Variants in TENM2 observed in about 807,000 individuals in gnomAD.
TENM2 encodes teneurin-2.
A neutral mutation model predicts 245.2 loss-of-function variants in TENM2; 52 were observed. The observed-to-expected ratio is 0.21, with a 90% CI of 0.17 to 0.27. TENM2 has a LOEUF of 0.27. Among genes scored for constraint, TENM2 ranks in the 10% least tolerant of loss-of-function variants. TENM2 has a pLI of 1.00. For missense variants in TENM2, 3,046 were observed against 3,666.8 expected, an observed-to-expected ratio of 0.83 and a Z score of 4.37; for synonymous variants, 1,363 against 1,438.9, an observed-to-expected ratio of 0.95 and a Z score of 1.19.
At chr5:166,985,900 T>C in the TENM2 span, among the ~76,000 whole-genome samples, 2 of 152,200 alleles carry the variant, frequency 1.3e-5, no homozygotes, top group African/African-American at 4.8e-5. Flanking sequence ...GATTGAGAGT[T>C]ACCAAAGTTT....
At chr5:167,943,108 C>T (rs914155856) in intron 3 of TENM2, among the ~76,000 whole-genome samples, 4 of 152,204 alleles carry the variant, frequency 2.6e-5, no homozygotes, top group Admixed American at 1.3e-4. Flanking sequence ...TATGGAGAAA[C>T]TTTTGTTCCC....
At chr5:167,742,981 AACAAC>A (rs1761294438) in intron 2 of TENM2, among the ~76,000 whole-genome samples, 1,102 of 4,596 alleles carry the variant, frequency 0.24, 14 homozygotes, top group African/African-American at 0.47. Flanking sequence ...TCTTAAAAAC[AACAAC>A]AACAACAACA....
chr5:167,655,464 C>G (rs1342308911), intron 2 of TENM2, among the ~76,000 whole-genome samples: 1 of 152,184 alleles, frequency 6.6e-6, no homozygotes, highest in East Asian at 1.9e-4. Flanking sequence ...ACACTGTATA[C>G]AAACAACAGA....
At chr5:167,565,580 T>C (rs1385308752) in intron 2 of TENM2, among the ~76,000 whole-genome samples, 1 of 152,242 alleles carries the variant, frequency 6.6e-6, no homozygotes, top group East Asian at 1.9e-4. Flanking sequence ...TGGTAGAATT[T>C]AACTGCACAA....
intron 2 of TENM2, among the ~76,000 whole-genome samples, chr5:167,682,651 G>T (rs117387302): frequency 6.6e-6 from 1 of 151,910 alleles, no homozygotes; most frequent in South Asian, 2.1e-4. Flanking sequence ...TTTGTTAACC[G>T]TTCGTATTTA....
chr5:167,248,507 T>A, the TENM2 span, among the ~76,000 whole-genome samples: 1 of 152,102 alleles, frequency 6.6e-6, no homozygotes, highest in African/African-American at 2.4e-5. Flanking sequence ...CCAGGTGGTG[T>A]CCGTGCTGCC....
chr5:167,923,788 C>A (rs533019102), intron 3 of TENM2, among the ~76,000 whole-genome samples: 1 of 152,108 alleles, frequency 6.6e-6, no homozygotes, highest in African/African-American at 2.4e-5. Flanking sequence ...CATTAACTCT[C>A]GGGAAGGAAG....
At chr5:167,343,974 TCTAA>T (rs1329430308) in intron 1 of TENM2, among the ~76,000 whole-genome samples, 6 of 151,824 alleles carry the variant, frequency 4.0e-5, no homozygotes, top group Admixed American at 1.3e-4. Flanking sequence ...AACTCTCTCC[TCTAA>T]CTAATTTGTC....
chr5:167,976,121 C>A (rs1039378973), intron 4 of TENM2, among the ~76,000 whole-genome samples: 2 of 152,110 alleles, frequency 1.3e-5, no homozygotes, highest in East Asian at 1.9e-4. Flanking sequence ...CATTTATATA[C>A]CTTCCTCTTT....
At chr5:167,391,622 CAAAAAAAAAAAAAAAA>C (rs56202184) in intron 2 of TENM2, among the ~76,000 whole-genome samples, 1 of 53,500 alleles carries the variant, frequency 1.9e-5, no homozygotes, top group Non-Finnish European at 3.8e-5. Flanking sequence ...AAGACTTCAT[CAAAAAAAAAAAAAAAA>C]AAAAAAAAAG....
At chr5:168,210,801 A>G (rs140084546) in intron 19 of TENM2, among the ~76,000 whole-genome samples, 1,567 of 152,240 alleles carry the variant, frequency 0.01, 28 homozygotes, top group African/African-American at 0.034. Flanking sequence ...AAGAGGGGTC[A>G]GGGGTTTCTT....
Position 167,610,690 on chromosome 5 carries a change from T to C in TENM2, c.502+235217T>C, listed in dbSNP as rs144720622. ...TGGGCTAGGTTGAATAAAAAACTTG[T>C]TAAATGTTTGATTCCTTTCTTGTTT... On this transcript the variant is annotated intron_variant, in intron 2 of 28. Transcript: ENST00000518659. Among the ~76,000 whole-genome samples the C allele has an allele frequency of 2.6e-5, 4 of 152,330 alleles. No homozygotes were observed. In the East Asian group the frequency reaches 7.7e-4, roughly 29 times the overall value.
At chr5:167,655,148 G>T (rs950869367) in intron 2 of TENM2, among the ~76,000 whole-genome samples, 1 of 152,094 alleles carries the variant, frequency 6.6e-6, no homozygotes, top group Non-Finnish European at 1.5e-5. Context: ...TTCAAATAGA[G>T]AAAAGGTTTT....
chr5:167,107,880 G>A, the TENM2 span, among the ~76,000 whole-genome samples: 7 of 152,316 alleles, frequency 4.6e-5, no homozygotes, highest in South Asian at 6.2e-4. Context: ...AAGACATCCA[G>A]TTCACATCTG....
At chr5:167,156,102 T>C in the TENM2 span, among the ~76,000 whole-genome samples, 2 of 152,336 alleles carry the variant, frequency 1.3e-5, no homozygotes, top group South Asian at 4.1e-4. Context: ...TTTATTACTT[T>C]GCTGACAATC....
intron 2 of TENM2, among the ~76,000 whole-genome samples, chr5:167,619,612 C>T (rs1055181723): frequency 2.6e-5 from 4 of 152,144 alleles, no homozygotes; most frequent in East Asian, 3.9e-4. Flanking sequence ...CATTGACTCT[C>T]ACAGTTGTCT....
At chr5:167,519,842 T>A (rs75949198) in intron 2 of TENM2, among the ~76,000 whole-genome samples, 8,434 of 152,198 alleles carry the variant, frequency 0.055, 498 homozygotes, top group East Asian at 0.18. Flanking sequence ...CAGTTCGGAT[T>A]TATATTGGCA....
chr5:167,969,332 C>T (rs1169123356), intron 4 of TENM2, among the ~76,000 whole-genome samples: 1 of 152,098 alleles, frequency 6.6e-6, no homozygotes, highest in Non-Finnish European at 1.5e-5. Flanking sequence ...GGGGGAGTTT[C>T]CCTACACAAG....
At chr5:167,041,473 G>A in the TENM2 span, among the ~76,000 whole-genome samples, 5 of 152,126 alleles carry the variant, frequency 3.3e-5, no homozygotes, top group African/African-American at 9.7e-5. Context: ...AGCACCATTC[G>A]TCTTCACCCT....
Sources: gnomAD v4.1 joint callset for allele counts (sites outside exome capture counted in the v4.1 genomes callset) on GRCh38, gnomAD v4.1.1 for gene constraint, MANE v1.5 for transcripts, NCBI Gene and HGNC (gene_info 2026-07-23, HGNC 2026-07-21) for gene names.